Variants in SKIC3 observed in about 807,000 individuals in gnomAD.
SKIC3 encodes the protein SKI3 subunit of superkiller complex.
the SKIC3 span, among the ~76,000 whole-genome samples, chr5:95,513,840 C>G: frequency 6.6e-6 from 1 of 152,096 alleles, no homozygotes; most frequent in Non-Finnish European, 1.5e-5. Flanking sequence ...ATTTTTAAAA[C>G]CAAAAATACT....
the SKIC3 span, chr5:95,516,495 TTC>T: frequency 6.2e-7 from 1 of 1,613,096 alleles, no homozygotes; most frequent in Non-Finnish European, 8.5e-7. Flanking sequence ...AATTTTGAAG[TTC>T]TTTTTCATAG....
chr5:95,539,843 CAAA>C, the SKIC3 span, among the ~76,000 whole-genome samples: 7 of 107,622 alleles, frequency 6.5e-5, no homozygotes, highest in East Asian at 2.6e-4. Context: ...CACTCTGCCT[CAAA>C]AAAAAAAAAA....
the SKIC3 span, chr5:95,513,468 C>T: frequency 2.4e-6 from 3 of 1,241,404 alleles, no homozygotes; most frequent in East Asian, 2.4e-5. Flanking sequence ...ACTGGGATTA[C>T]AGGCATAAGC....
At chr5:95,511,440 A>G in the SKIC3 span, among the ~76,000 whole-genome samples, 29 of 152,106 alleles carry the variant, frequency 1.9e-4, no homozygotes, top group Non-Finnish European at 3.5e-4. Flanking sequence ...ATACAAAATA[A>G]GCATGAGGAG....
the SKIC3 span, among the ~76,000 whole-genome samples, chr5:95,483,402 C>T: frequency 6.6e-6 from 1 of 152,094 alleles, no homozygotes; most frequent in Non-Finnish European, 1.5e-5. Context: ...ATTGCAACAA[C>T]AAACCGACAA....
the SKIC3 span, chr5:95,520,920 G>T: frequency 1.2e-6 from 1 of 861,942 alleles, no homozygotes; most frequent in Non-Finnish European, 1.9e-6. Context: ...GCACTTTCCA[G>T]AAAATAAAAC....
chr5:95,553,177 T>C, the SKIC3 span, among the ~76,000 whole-genome samples: 1 of 152,166 alleles, frequency 6.6e-6, no homozygotes, highest in Non-Finnish European at 1.5e-5. Flanking sequence ...TCTCTAAGGC[T>C]CTAAAATATC....
chr5:95,497,423 T>G, the SKIC3 span: 2 of 1,613,066 alleles, frequency 1.2e-6, no homozygotes, highest in Non-Finnish European at 1.7e-6. Flanking sequence ...TACCTTTGCA[T>G]TTCGTTGAGC....
the SKIC3 span, among the ~76,000 whole-genome samples, chr5:95,546,673 G>A: frequency 7.5e-4 from 114 of 152,092 alleles, no homozygotes; most frequent in Middle Eastern, 6.8e-3. Flanking sequence ...CCTCTGAATG[G>A]AATCATACCC....
At chr5:95,523,403 CAT>C in the SKIC3 span, 4 of 1,446,944 alleles carry the variant, frequency 2.8e-6, no homozygotes, top group African/African-American at 4.3e-5. Flanking sequence ...AGTACACAAA[CAT>C]ATTTTCATTT....
the SKIC3 span, chr5:95,509,697 G>C: frequency 6.3e-7 from 1 of 1,574,930 alleles, no homozygotes. Flanking sequence ...TCTAGAAAAT[G>C]AGAAATATCT....
chr5:95,553,217 C>T, the SKIC3 span, among the ~76,000 whole-genome samples: 1 of 152,194 alleles, frequency 6.6e-6, no homozygotes, highest in Non-Finnish European at 1.5e-5. Context: ...GCAGCACCTG[C>T]TCCTATTGAC....
At chr5:95,516,576 A>C in the SKIC3 span, 1 of 1,613,422 alleles carries the variant, frequency 6.2e-7, no homozygotes, top group African/African-American at 1.3e-5. Context: ...CAAGGGCATA[A>C]TTTCCAATAC....
At chr5:95,487,021 G>A in the SKIC3 span, among the ~76,000 whole-genome samples, 3 of 152,214 alleles carry the variant, frequency 2.0e-5, no homozygotes, top group African/African-American at 7.2e-5. Flanking sequence ...AATAACATGT[G>A]AGTCAGTGGG....
the SKIC3 span, among the ~76,000 whole-genome samples, chr5:95,505,549 C>CA: frequency 6.6e-6 from 1 of 152,076 alleles, no homozygotes; most frequent in African/African-American, 2.4e-5. Flanking sequence ...CACGGTGGCT[C>CA]ACGCCTGTAA....
the SKIC3 span, among the ~76,000 whole-genome samples, chr5:95,542,428 G>A: frequency 1.3e-5 from 2 of 152,076 alleles, no homozygotes. Flanking sequence ...TGGCGGGGGA[G>A]GCAGGGGAGA....
the SKIC3 span, among the ~76,000 whole-genome samples, chr5:95,467,041 G>C: frequency 6.6e-6 from 1 of 152,160 alleles, no homozygotes; most frequent in African/African-American, 2.4e-5. Context: ...GCTTTAGGTT[G>C]GGTTTAGATG....
the SKIC3 span, chr5:95,503,700 T>G: frequency 6.7e-7 from 1 of 1,490,068 alleles, no homozygotes; most frequent in Non-Finnish European, 9.3e-7. Flanking sequence ...TAGTCAGATT[T>G]TAATAAACAT....
At chr5:95,492,169 C>T in the SKIC3 span, among the ~76,000 whole-genome samples, 1 of 152,236 alleles carries the variant, frequency 6.6e-6, no homozygotes, top group African/African-American at 2.4e-5. Context: ...TTAAGGAACA[C>T]AGACATCATC....
Sources: allele counts gnomAD v4.1 joint callset (sites outside exome capture counted in the v4.1 genomes callset), GRCh38; gene constraint gnomAD v4.1.1; transcripts MANE v1.5; gene names NCBI Gene and HGNC (gene_info 2026-07-23, HGNC 2026-07-21).